Variants in FRMD5 observed in about 807,000 individuals in gnomAD.
The protein encoded by FRMD5 is FERM domain containing 5.
A neutral mutation model predicts 69.0 loss-of-function variants in FRMD5; 20 were observed. The observed-to-expected ratio is 0.29, with a 90% CI of 0.20 to 0.42. The LOEUF (loss-of-function observed/expected upper bound fraction) is 0.42, where lower values mean the gene tolerates loss of function less well. FRMD5 is among the 10% of genes least tolerant of loss of function. The pLI is 1.00. For synonymous variants in FRMD5, 271 were observed against 260.1 expected, an observed-to-expected ratio of 1.04 and a Z score of -0.40; for missense variants, 595 against 708.6, an observed-to-expected ratio of 0.84 and a Z score of 1.82.
intron 1 of FRMD5, among the ~76,000 whole-genome samples, chr15:43,991,655 TTAAAC>T (rs1272297521): frequency 1.3e-5 from 2 of 152,250 alleles, no homozygotes; most frequent in African/African-American, 4.8e-5. Context: ...TTCTTGAACA[TTAAAC>T]TAGACAGTTC....
intron 1 of FRMD5, among the ~76,000 whole-genome samples, chr15:44,002,154 C>G (rs1443976944): frequency 6.6e-6 from 1 of 152,178 alleles, no homozygotes; most frequent in African/African-American, 2.4e-5. Context: ...CTTACCCTTT[C>G]TCTGCCCTGG....
intron 1 of FRMD5, among the ~76,000 whole-genome samples, chr15:44,037,742 G>T (rs1165949360): frequency 6.6e-6 from 1 of 151,774 alleles, no homozygotes; most frequent in African/African-American, 2.4e-5. Flanking sequence ...CTAAAGTGTT[G>T]GGATTACAGG....
intron 1 of FRMD5, among the ~76,000 whole-genome samples, chr15:44,132,666 C>T (rs746773343): frequency 2.8e-4 from 43 of 152,032 alleles, no homozygotes; most frequent in Admixed American, 8.5e-4. Context: ...TGGACTCAAG[C>T]GATCCTCCAG....
chr15:44,144,489 T>C (rs1278758735), intron 1 of FRMD5, among the ~76,000 whole-genome samples: 2 of 152,136 alleles, frequency 1.3e-5, no homozygotes, highest in African/African-American at 2.4e-5. Flanking sequence ...CAGGACTCCA[T>C]GTGATACAAG....
rs542358087 is a variant in FRMD5, at chr15:43,982,732, A to C, written c.103-58423T>G. On this transcript the variant is annotated intron_variant, in intron 1 of 13. Coordinates refer to ENST00000417257, the MANE Select transcript of FRMD5 (RefSeq NM_032892.5). ...TTGGGTCTTTATAAACTGTATTTTTAAAGTTTTTTTTCTAAAGATAGAAAA... is the reference window on the plus strand; with the variant it reads ...TTGGGTCTTTATAAACTGTATTTTTCAAGTTTTTTTTCTAAAGATAGAAAA... Among the ~76,000 whole-genome samples the C allele has an allele frequency of 2.4e-4, 36 of 152,336 alleles. No homozygotes were observed. In the South Asian group the frequency reaches 6.2e-3, roughly 26 times the overall value.
At chr15:43,935,421 T>TTGCA (rs1444981582) in intron 1 of FRMD5, among the ~76,000 whole-genome samples, 2 of 151,936 alleles carry the variant, frequency 1.3e-5, no homozygotes, top group Non-Finnish European at 2.9e-5. Context: ...GAGGCAGAGG[T>TTGCA]TGCAGTGAGC....
chr15:43,879,576 C>A (rs2088466171), intron 13 of FRMD5: 1 of 398,924 alleles, frequency 2.5e-6, no homozygotes, highest in South Asian at 1.3e-4. Flanking sequence ...GGGCCCCATC[C>A]TCAGGATGCG....
chr15:43,915,541 A>C (rs1487984701), intron 4 of FRMD5, among the ~76,000 whole-genome samples: 2 of 152,062 alleles, frequency 1.3e-5, no homozygotes, highest in East Asian at 3.9e-4. Flanking sequence ...TCCTTCTCCT[A>C]CTTGATCTTT....
In FRMD5 at chr15:43,936,893, T is replaced by C. The variant is rs183358515; in HGVS notation, c.103-12584A>G. 3.4e-4 allele frequency among the ~76,000 whole-genome samples: 51 copies of C among 152,042 alleles called. 1 individual carries two copies. The East Asian group carries it at 9.7e-3, about 29-fold the overall frequency. On this transcript the variant is annotated intron_variant, in intron 1 of 13. Coordinates refer to ENST00000417257, the MANE Select transcript of FRMD5 (RefSeq NM_032892.5). ...CACAGTAAAGGCAAGTAAAATGGCTTTGCTTCCAGGAAGATCGCTAACTGG... is the reference window on the plus strand; with the variant it reads ...CACAGTAAAGGCAAGTAAAATGGCTCTGCTTCCAGGAAGATCGCTAACTGG...
chr15:44,078,816 C>T (rs1038660456), intron 1 of FRMD5, among the ~76,000 whole-genome samples: 1 of 151,902 alleles, frequency 6.6e-6, no homozygotes, highest in Non-Finnish European at 1.5e-5. Context: ...TATAGGAGCC[C>T]AAACTATAAA....
intron 1 of FRMD5, among the ~76,000 whole-genome samples, chr15:44,009,619 C>T (rs1312975905): frequency 6.6e-6 from 1 of 152,056 alleles, no homozygotes; most frequent in Non-Finnish European, 1.5e-5. Flanking sequence ...GTCGAGGCTG[C>T]GGTGAGCCGT....
intron 1 of FRMD5, among the ~76,000 whole-genome samples, chr15:44,035,699 T>A (rs530927942): frequency 6.6e-6 from 1 of 152,176 alleles, no homozygotes; most frequent in Admixed American, 6.5e-5. Flanking sequence ...TATGCAAATG[T>A]TTCTTATTAG....
At chr15:44,176,562 T>C (rs1353074253) in intron 1 of FRMD5, among the ~76,000 whole-genome samples, 1 of 152,072 alleles carries the variant, frequency 6.6e-6, no homozygotes. Context: ...TCTTTTGTGC[T>C]TCAAAAGATA....
intron 1 of FRMD5, among the ~76,000 whole-genome samples, chr15:44,079,713 T>A (rs1385081066): frequency 1.3e-5 from 2 of 152,126 alleles, no homozygotes; most frequent in Non-Finnish European, 2.9e-5. Flanking sequence ...ACAATCCAAA[T>A]GTCCATTGAC....
At chr15:44,082,744 T>A (rs1192701840) in intron 1 of FRMD5, among the ~76,000 whole-genome samples, 1 of 151,960 alleles carries the variant, frequency 6.6e-6, no homozygotes, top group Non-Finnish European at 1.5e-5. Context: ...CACAAATAAA[T>A]GTTGGTACTT....
At position 43,872,077 on chromosome 15, in the gene FRMD5, C is replaced by A. The variant is rs1207811778; in HGVS notation, c.*1808G>T. The A allele has an allele frequency of 6.6e-6, 1 of 152,194 alleles. No individual in the cohort carries two copies. The allele number at this position is 152,194 out of a possible 1,614,324, so 9.4% of individuals were successfully genotyped here. ...TCCTTCATTTACAAATTATCTGTGG[C>A]TGTTTTTGTGCTGTGATGGCAGAAT... On this transcript the variant is annotated 3_prime_UTR_variant, in exon 14 of 14. Coordinates refer to ENST00000417257, the MANE Select transcript of FRMD5 (RefSeq NM_032892.5).
At chr15:44,049,439 C>A (rs1257903969) in intron 1 of FRMD5, among the ~76,000 whole-genome samples, 1 of 152,154 alleles carries the variant, frequency 6.6e-6, no homozygotes, top group Non-Finnish European at 1.5e-5. Flanking sequence ...TGGCTTTGCT[C>A]CTCCATTCCA....
intron 7 of FRMD5, among the ~76,000 whole-genome samples, chr15:43,896,331 C>G (rs1435802192): frequency 1.3e-5 from 2 of 152,218 alleles, no homozygotes; most frequent in Non-Finnish European, 2.9e-5. Flanking sequence ...TTCTCCAAAC[C>G]TCGGTTTCCT....
chr15:43,878,746 A>G (rs1214402084), intron 13 of FRMD5, among the ~76,000 whole-genome samples: 3 of 152,096 alleles, frequency 2.0e-5, no homozygotes, highest in Non-Finnish European at 2.9e-5. Flanking sequence ...GATCTTTCAA[A>G]GTATGAAAAG....
Sources: allele counts gnomAD v4.1 joint callset (sites outside exome capture counted in the v4.1 genomes callset), GRCh38; gene constraint gnomAD v4.1.1; transcripts MANE v1.5; gene names NCBI Gene and HGNC (gene_info 2026-07-23, HGNC 2026-07-21).